RTN3: variants seen among roughly 807,000 people sequenced by gnomAD.
The protein encoded by RTN3 is reticulon-3.
RTN3 carries 49 observed loss-of-function variants against 77.8 expected under a neutral mutation model. That is an observed-to-expected ratio of 0.63 (90% CI 0.50 to 0.80). The LOEUF is 0.80. Ranked by LOEUF, RTN3 falls within the 30% of genes least tolerant of loss-of-function variation. The pLI, the probability that RTN3 is intolerant of heterozygous loss-of-function variation, is 0.00. For missense variants in RTN3, 1,236 were observed against 1,211.9 expected (o/e 1.02, Z -0.29); for synonymous variants, 464 against 446.9 (o/e 1.04, Z -0.48).
At chr11:63,700,050 A>G (rs1942157409) in intron 1 of RTN3, among the ~76,000 whole-genome samples, 1 of 152,226 alleles carries the variant, frequency 6.6e-6, no homozygotes, top group African/African-American at 2.4e-5. Context: ...CATCTGCATA[A>G]CAATTTGCAT....
At chr11:63,722,148 A>G (rs1228161662) in intron 3 of RTN3, among the ~76,000 whole-genome samples, 1 of 152,154 alleles carries the variant, frequency 6.6e-6, no homozygotes, top group Non-Finnish European at 1.5e-5. Context: ...AGGGACCCCC[A>G]TCCTTTAATG....
Position 63,750,090 on chromosome 11 carries a change from G to A in RTN3, c.2630G>A (p.Ser877Asn), listed in dbSNP as rs760647925. 3 of 1,613,528 alleles carry A rather than the reference G, an allele frequency of 1.9e-6. No individual in the cohort carries two copies. The highest frequency in any genetic ancestry group is 1.1e-5 in the South Asian group (1 of 90,966). ...LLSLAAFSVISVVSYLILALL... is the reference protein window; with the variant it reads ...LLSLAAFSVINVVSYLILALL... Reference sequence around the variant, plus strand: ...TCCCTGGCAGCTTTCAGTGTCATCAGTGTGGTTTCTTACCTCATCCTGGCT... The same window carrying A: ...TCCCTGGCAGCTTTCAGTGTCATCAATGTGGTTTCTTACCTCATCCTGGCT... Residue 877 changes from serine (S) to asparagine (N), a missense_variant, in exon 4 of 9, where the codon AGT becomes AAT. Ser to Asn is a conservative substitution (Grantham distance 46). Around this residue, in one of 3 missense-constraint regions of RTN3, gnomAD observed 39 missense variants for 66.6 expected, o/e 0.59. Coordinates refer to ENST00000377819, the MANE Select transcript of RTN3 (RefSeq NM_001265589.2).
chr11:63,702,336 A>T, intron 1 of RTN3, among the ~76,000 whole-genome samples: 1 of 145,864 alleles, frequency 6.9e-6, no homozygotes. Context: ...TTTTTTTGAG[A>T]CAGAGTCTCG....
intron 1 of RTN3, among the ~76,000 whole-genome samples, chr11:63,703,848 A>G (rs1942367184): frequency 6.6e-6 from 1 of 151,772 alleles, no homozygotes; most frequent in South Asian, 2.1e-4. Flanking sequence ...GGCAACACAT[A>G]TCTTTGTACA....
chr11:63,705,039 C>G (rs1942430701), intron 2 of RTN3, 132 bp downstream of exon 2: 1 of 751,786 alleles, frequency 1.3e-6, no homozygotes, highest in Non-Finnish European at 2.3e-6. Context: ...CAAGCTGATT[C>G]TTTCTATTTA....
Position 63,758,722 on chromosome 11 carries a change from CT to C in RTN3, c.*525del, listed in dbSNP as rs1219286794. The C allele has an allele frequency of 4.5e-6, 1 of 221,676 alleles. No individual in the cohort carries two copies. The highest frequency in any genetic ancestry group is 5.7e-5 in the Admixed American group (1 of 17,392). 13.7% of individuals were successfully genotyped at this position (221,676 alleles called of 1,614,324 possible). A position where few individuals can be genotyped will look rare whatever the true frequency, so the allele number is the denominator to read the frequency against. ...ATGTGAGCAGCTACCCCTGATACTC[CT>C]TTTCTTTAATGATTTAACTATCAAC... On this transcript the variant is annotated 3_prime_UTR_variant, in exon 9 of 9. Coordinates refer to ENST00000377819, the MANE Select transcript of RTN3 (RefSeq NM_001265589.2).
intron 4 of RTN3, 63 bp from the exon 5 acceptor site, chr11:63,752,444 C>T: frequency 1.3e-6 from 2 of 1,510,288 alleles, no homozygotes; most frequent in Non-Finnish European, 1.8e-6. Flanking sequence ...TTCTCAGTAA[C>T]TACTGTGCTA....
At chr11:63,726,861 G>GA (rs984758400) in intron 3 of RTN3, among the ~76,000 whole-genome samples, 34 of 135,382 alleles carry the variant, frequency 2.5e-4, no homozygotes, top group African/African-American at 8.8e-4. Flanking sequence ...GACTCCGTCT[G>GA]AAAAAAAAAA....
chr11:63,684,192 A>G (rs1324896777), intron 1 of RTN3, among the ~76,000 whole-genome samples: 1 of 119,664 alleles, frequency 8.4e-6, no homozygotes, highest in African/African-American at 3.3e-5. Context: ...TTTGTCGCCC[A>G]GGCTGGAGTG....
At chr11:63,711,674 C>A (rs888216795) in intron 2 of RTN3, among the ~76,000 whole-genome samples, 2 of 152,166 alleles carry the variant, frequency 1.3e-5, no homozygotes, top group African/African-American at 4.8e-5. Context: ...AAGTGATTCT[C>A]CTGCCTCAGC....
rs773040888 is a variant in RTN3, at chr11:63,719,457, A to C, written c.955A>C (p.Asn319His). The C allele has an allele frequency of 3.7e-6, 6 of 1,614,144 alleles. No individual in the cohort carries two copies. The highest frequency in any genetic ancestry group is 5.1e-6 in the Non-Finnish European group (6 of 1,180,016). The part of the protein sequence containing the change: ...ALLSRQFSHT[N>H]AALEEVSRCV... ...GCTCAGTAGGCAGTTTTCACACACAAATGCAGCACTGGAAGAGGTGTCCAG... is the reference window on the plus strand; with the variant it reads ...GCTCAGTAGGCAGTTTTCACACACACATGCAGCACTGGAAGAGGTGTCCAG... Residue 319 changes from asparagine to histidine, a missense_variant, in exon 3 of 9, where the codon AAT becomes CAT. Physicochemically the swap from Asn to His is moderately conservative, Grantham distance 68 (BLOSUM62 1). Around this residue, in one of 3 missense-constraint regions of RTN3, gnomAD observed 1,056 missense variants for 990.4 expected, o/e 1.07. Coordinates refer to ENST00000377819, the MANE Select transcript of RTN3 (RefSeq NM_001265589.2).
intron 3 of RTN3, among the ~76,000 whole-genome samples, chr11:63,740,707 C>T (rs569067696): frequency 6.6e-6 from 1 of 152,062 alleles, no homozygotes; most frequent in East Asian, 1.9e-4. Flanking sequence ...GCTGGGATTA[C>T]AGTCATGAGC....
At chr11:63,725,696 C>T (rs2012209500) in intron 3 of RTN3, among the ~76,000 whole-genome samples, 1 of 152,214 alleles carries the variant, frequency 6.6e-6, no homozygotes, top group Non-Finnish European at 1.5e-5. Context: ...TCGTGATCCG[C>T]CCGCCTCGGC....
At chr11:63,690,793 C>T (rs1396606739) in intron 1 of RTN3, among the ~76,000 whole-genome samples, 1 of 152,170 alleles carries the variant, frequency 6.6e-6, no homozygotes, top group Non-Finnish European at 1.5e-5. Context: ...GCTTTCACAA[C>T]AGCTTTTGAC....
chr11:63,741,522 C>T (rs2013477777), intron 3 of RTN3, among the ~76,000 whole-genome samples: 2 of 139,676 alleles, frequency 1.4e-5, no homozygotes, highest in South Asian at 4.5e-4. Flanking sequence ...TTTTTTGAGA[C>T]AGCGTCTCAT....
chr11:63,714,729 T>G (rs1018834929), intron 2 of RTN3, among the ~76,000 whole-genome samples: 3 of 151,876 alleles, frequency 2.0e-5, no homozygotes, highest in Non-Finnish European at 2.9e-5. Flanking sequence ...CCCAGGCTGA[T>G]CTTGACCTCT....
rs577594170 is a variant in RTN3 at position 63,709,129 on chromosome 11, A to G, written c.199+4222A>G. On this transcript the variant is annotated intron_variant, in intron 2 of 8. Coordinates refer to ENST00000377819, the MANE Select transcript of RTN3 (RefSeq NM_001265589.2). ...CCGTGGTCATAACTGCTGTACCTATAATAAAGATGATCAAATAAACTAGCT... is the reference window on the plus strand; with the variant it reads ...CCGTGGTCATAACTGCTGTACCTATGATAAAGATGATCAAATAAACTAGCT... Among the ~76,000 whole-genome samples the G allele has an allele frequency of 2.6e-4, 39 of 152,314 alleles. No individual in the cohort carries two copies. The South Asian group carries it at 7.0e-3, about 28-fold the overall frequency.
chr11:63,681,818 G>T (rs927796341), intron 1 of RTN3, 40 bp downstream of exon 1: 4 of 1,499,758 alleles, frequency 2.7e-6, no homozygotes, highest in Non-Finnish European at 3.5e-6. Context: ...GAAAGAGGGC[G>T]AGCGGGAGCC....
At chr11:63,685,608 A>G (rs192278450) in intron 1 of RTN3, among the ~76,000 whole-genome samples, 3 of 152,058 alleles carry the variant, frequency 2.0e-5, no homozygotes, top group Non-Finnish European at 2.9e-5. Context: ...AGGCTTTTGC[A>G]CCATGAAAAT....
Sources: allele counts gnomAD v4.1 joint callset (sites outside exome capture counted in the v4.1 genomes callset), GRCh38; gene constraint gnomAD v4.1.1; regional missense constraint gnomAD v4.1.1; transcripts MANE v1.5; gene names NCBI Gene and HGNC (gene_info 2026-07-23, HGNC 2026-07-21).